The following OPHN1 variants were observed in gnomAD, a reference collection of about 807,000 sequenced individuals.
OPHN1 encodes oligophrenin 1, also known as oligophrenin-1.
Under a neutral mutation model 60.7 loss-of-function variants are expected in OPHN1, and 11 were observed. The ratio of observed to expected loss-of-function variants is 0.18; its 90% CI spans 0.11 to 0.30. The LOEUF is 0.30. Among genes scored for constraint, OPHN1 ranks in the 10% least tolerant of loss-of-function variants. The pLI, the probability that OPHN1 is intolerant of heterozygous loss-of-function variation, is 1.00. For synonymous variants in OPHN1, 226 were observed against 222.6 expected (o/e 1.02, Z -0.14); for missense variants, 449 against 611.0 (o/e 0.73, Z 2.80).
intron 15 of OPHN1, among the ~76,000 whole-genome samples, chrX:68,182,699 T>A (rs2077443738): frequency 9.0e-6 from 1 of 111,462 alleles, no homozygotes; most frequent in Non-Finnish European, 1.9e-5. Flanking sequence ...TCACTTGAGG[T>A]TAGGAGTTCC....
chrX:68,360,069 G>A (rs1316624349), intron 2 of OPHN1, among the ~76,000 whole-genome samples: 2 of 110,799 alleles, frequency 1.8e-5, no homozygotes, highest in African/African-American at 6.6e-5. Flanking sequence ...AAGTTAATAT[G>A]TGTAAAGTGC....
At chrX:68,194,706 T>C (rs1283138723) in intron 12 of OPHN1, among the ~76,000 whole-genome samples, 2 of 111,241 alleles carry the variant, frequency 1.8e-5, no homozygotes, top group East Asian at 2.8e-4. Context: ...TGGTGGCTCA[T>C]GCCTGTAATC....
At chrX:68,160,618 CAAAG>C (rs1319912114) in intron 15 of OPHN1, among the ~76,000 whole-genome samples, 4 of 111,285 alleles carry the variant, frequency 3.6e-5, no homozygotes, top group Non-Finnish European at 7.6e-5. Flanking sequence ...AAATCAATAA[CAAAG>C]AAATTTTGAA....
At chrX:68,399,256 C>T (rs916012369) in intron 2 of OPHN1, among the ~76,000 whole-genome samples, 1 of 111,634 alleles carries the variant, frequency 9.0e-6, no homozygotes, top group African/African-American at 3.3e-5. Context: ...ACCACCTAAC[C>T]GGTCTCCCTT....
intron 2 of OPHN1, among the ~76,000 whole-genome samples, chrX:68,394,614 T>G (rs1026483009): frequency 1.8e-5 from 2 of 112,342 alleles, no homozygotes; most frequent in Admixed American, 1.9e-4. Context: ...TGTAATATTT[T>G]TTCTTCATGT....
At chrX:68,103,488 C>G (rs1370194609) in intron 18 of OPHN1, among the ~76,000 whole-genome samples, 1 of 110,647 alleles carries the variant, frequency 9.0e-6, no homozygotes, top group Non-Finnish European at 1.9e-5. Flanking sequence ...TGCCCTCTCT[C>G]ACCACTCCTA....
chrX:68,303,247 C>T (rs900760820), intron 2 of OPHN1, among the ~76,000 whole-genome samples: 3 of 111,881 alleles, frequency 2.7e-5, no homozygotes, highest in Non-Finnish European at 5.6e-5. Context: ...CACAAAAGAC[C>T]CCAAAAGCAG....
At chrX:68,087,312 T>A (rs2076999373) in intron 19 of OPHN1, among the ~76,000 whole-genome samples, 1 of 111,967 alleles carries the variant, frequency 8.9e-6, no homozygotes. Flanking sequence ...GCCTTGGCTG[T>A]TGTTTTGGGT....
In OPHN1 at chrX:68,141,960, G is replaced by GAAAT. The variant is rs1194210136; in HGVS notation, c.1277-22629_1277-22628insATTT. Among the ~76,000 whole-genome samples, 354 of 98,673 alleles carry GAAAT rather than the reference G, an allele frequency of 3.6e-3. 2 individuals are homozygous for GAAAT. The highest frequency in any genetic ancestry group is 0.012 in the African/African-American group (342 of 28,952). 85.7% of individuals were successfully genotyped at this position (98,673 alleles called of 115,157 possible). A position where few individuals can be genotyped will look rare whatever the true frequency, so the allele number is the denominator to read the frequency against. On this transcript the variant is annotated intron_variant, in intron 15 of 24. Transcript: ENST00000355520. ...AGAAAGAAAGAAAGAAAGAAAGAAA[G>GAAAT]AAGAGAGGCAAGAGCCAAGACGGAA...
chrX:68,370,506 C>CAA (rs768456592), intron 2 of OPHN1, among the ~76,000 whole-genome samples: 1 of 45,210 alleles, frequency 2.2e-5, no homozygotes, highest in Non-Finnish European at 4.2e-5. Context: ...GACTCCGTCT[C>CAA]AAAAAAAAAA....
At chrX:68,366,753 T>C (rs2078500757) in intron 2 of OPHN1, among the ~76,000 whole-genome samples, 1 of 112,184 alleles carries the variant, frequency 8.9e-6, no homozygotes, top group Non-Finnish European at 1.9e-5. Context: ...TAGTGGTACA[T>C]ATAATTATGG....
intron 2 of OPHN1, among the ~76,000 whole-genome samples, chrX:68,327,947 A>G (rs1476046900): frequency 9.9e-6 from 1 of 101,384 alleles, no homozygotes; most frequent in Non-Finnish European, 2.0e-5. Context: ...CTCCTGCCTC[A>G]GCCTCCCGAG....
intron 2 of OPHN1, among the ~76,000 whole-genome samples, chrX:68,350,806 C>T (rs1033843184): frequency 1.8e-5 from 2 of 110,756 alleles, no homozygotes; most frequent in Non-Finnish European, 3.8e-5. Flanking sequence ...TGGGCCATTG[C>T]ACCAGGTCAA....
intron 3 of OPHN1, among the ~76,000 whole-genome samples, chrX:68,296,768 A>T (rs1280312455): frequency 3.6e-5 from 4 of 110,408 alleles, no homozygotes; most frequent in Non-Finnish European, 7.6e-5. Context: ...GTTCAAGACC[A>T]GTCTGGGTAA....
chrX:68,339,758 G>A lies in OPHN1; in HGVS notation c.155-40662C>T, dbSNP rs186047898. On this transcript the variant is annotated intron_variant, in intron 2 of 24. Transcript: ENST00000355520. ...GCTGGAATTATAGGCATGTGCCACC[G>A]TGCCCAGCTAATTTTTATATTTTTA... Among the ~76,000 whole-genome samples, 718 of 110,730 alleles carry A rather than the reference G, an allele frequency of 6.5e-3. 27 individuals are homozygous for A. Among genetic ancestry groups the A allele is most frequent in the Admixed American group, 0.059 (610 of 10,256 alleles).
At chrX:68,265,997 A>T (rs1229333609) in intron 5 of OPHN1, among the ~76,000 whole-genome samples, 1 of 111,625 alleles carries the variant, frequency 9.0e-6, no homozygotes, top group Non-Finnish European at 1.9e-5. Flanking sequence ...AAAAAGAAAC[A>T]AACAAAGCCT....
intron 2 of OPHN1, among the ~76,000 whole-genome samples, chrX:68,425,559 T>C (rs181992817): frequency 2.7e-5 from 3 of 111,538 alleles, no homozygotes; most frequent in African/African-American, 9.8e-5. Context: ...ACTCACCAGA[T>C]AGGTGCTCCG....
At chrX:68,232,657 G>A (rs940136915) in intron 6 of OPHN1, among the ~76,000 whole-genome samples, 1 of 111,492 alleles carries the variant, frequency 9.0e-6, no homozygotes, top group Non-Finnish European at 1.9e-5. Context: ...ACCCATTAAG[G>A]GAAACTTCTA....
intron 2 of OPHN1, among the ~76,000 whole-genome samples, chrX:68,358,412 G>A (rs935966942): frequency 9.0e-6 from 1 of 111,492 alleles, no homozygotes; most frequent in African/African-American, 3.3e-5. Flanking sequence ...TCTACCTTGG[G>A]AGGTCATGTG....
Sources: gnomAD v4.1 joint callset for allele counts (sites outside exome capture counted in the v4.1 genomes callset) on GRCh38, gnomAD v4.1.1 for gene constraint, MANE v1.5 for transcripts, NCBI Gene and HGNC (gene_info 2026-07-23, HGNC 2026-07-21) for gene names.